Variants in PPP2R2B observed in about 807,000 individuals in gnomAD.
PPP2R2B encodes the protein serine/threonine-protein phosphatase 2A 55 kDa regulatory subunit B beta isoform.
Under a neutral mutation model 46.0 loss-of-function variants are expected in PPP2R2B, and 5 were observed. That is an observed-to-expected ratio of 0.11 (90% confidence interval 0.06 to 0.23). PPP2R2B has a LOEUF of 0.23. Ranked by LOEUF, PPP2R2B falls within the 10% of genes least tolerant of loss-of-function variation. PPP2R2B has a pLI of 1.00. For synonymous variants in PPP2R2B, 215 were observed against 206.7 expected, an observed-to-expected ratio of 1.04 and a Z score of -0.34; for missense variants, 367 against 575.0, an observed-to-expected ratio of 0.64 and a Z score of 3.70.
chr5:146,826,740 C>T (rs1466207268), intron 2 of PPP2R2B, among the ~76,000 whole-genome samples: 1 of 152,050 alleles, frequency 6.6e-6, no homozygotes, highest in Non-Finnish European at 1.5e-5. Context: ...TAAATCCTCC[C>T]CATTCTTAAA....
chr5:147,006,437 T>G (rs1013232374), intron 1 of PPP2R2B, among the ~76,000 whole-genome samples: 1 of 152,174 alleles, frequency 6.6e-6, no homozygotes. Context: ...GTAACATGTA[T>G]TATCCTAACT....
At chr5:147,059,714 G>A (rs1757201723), upstream of PPP2R2B, among the ~76,000 whole-genome samples, 1 of 152,204 alleles carries the variant, frequency 6.6e-6, no homozygotes, top group African/African-American at 2.4e-5. Flanking sequence ...TGGCAAACAA[G>A]CAATTAATTG....
chr5:146,930,518 A>G (rs955022591), intron 1 of PPP2R2B, among the ~76,000 whole-genome samples: 3 of 152,170 alleles, frequency 2.0e-5, no homozygotes, highest in African/African-American at 7.2e-5. Context: ...GGATGGGAAG[A>G]GAGAGGCAAT....
At position 146,588,905 on chromosome 5, in the gene PPP2R2B, T is replaced by G. The variant is rs1199138032; in HGVS notation, c.*1042A>C. On this transcript the variant is annotated 3_prime_UTR_variant, in exon 10 of 10. Coordinates refer to ENST00000394411, the MANE Select transcript of PPP2R2B (RefSeq NM_181675.4). ...TCTAGGTACAATGGAGGTTGATGGA[T>G]TGTTACTTTTGGTTACCAAAACCAG... 6.6e-6 allele frequency: 1 copy of G among 152,148 alleles called. No homozygotes were observed. The highest frequency in any genetic ancestry group is 2.4e-5 in the African/African-American group (1 of 41,408). 9.4% of individuals were successfully genotyped at this position (152,148 alleles called of 1,614,324 possible). A position where few individuals can be genotyped will look rare whatever the true frequency, so the allele number is the denominator to read the frequency against.
intron 2 of PPP2R2B, among the ~76,000 whole-genome samples, chr5:146,743,987 A>G (rs949769967): frequency 1.3e-5 from 2 of 152,200 alleles, no homozygotes; most frequent in African/African-American, 2.4e-5. Context: ...GCAGAAATCA[A>G]TTCAACTGCA....
chr5:147,021,895 C>T (rs1030133819), intron 1 of PPP2R2B, among the ~76,000 whole-genome samples: 2 of 151,802 alleles, frequency 1.3e-5, no homozygotes, highest in African/African-American at 4.8e-5. Flanking sequence ...TATCTTTAGT[C>T]AAGGACTTAA....
intron 1 of PPP2R2B, among the ~76,000 whole-genome samples, chr5:146,929,698 G>C (rs960010122): frequency 2.6e-5 from 4 of 152,008 alleles, no homozygotes; most frequent in Non-Finnish European, 4.4e-5. Flanking sequence ...TCAAAAAAAA[G>C]ATCTCTATAT....
Position 146,615,530 on chromosome 5 carries a change from A to G in PPP2R2B, c.791-15070T>C, listed in dbSNP as rs866944239. Among the ~76,000 whole-genome samples, 481 of 143,076 alleles carry G rather than the reference A, an allele frequency of 3.4e-3. 2 individuals are homozygous for G. Among genetic ancestry groups the G allele is most frequent in the African/African-American group, 0.011 (412 of 37,532 alleles). 93.9% of individuals were successfully genotyped at this position (143,076 alleles called of 152,430 possible). ...AAAAAAAAATTAAAAAAAAAAAAAA[A>G]GAAAAAAAAAACTATTAGAACTGAA... On this transcript the variant is annotated intron_variant, in intron 7 of 9. Coordinates refer to ENST00000394411, the MANE Select transcript of PPP2R2B (RefSeq NM_181675.4).
chr5:146,640,388 T>A (rs1262448444), intron 6 of PPP2R2B, among the ~76,000 whole-genome samples: 1 of 152,220 alleles, frequency 6.6e-6, no homozygotes, highest in African/African-American at 2.4e-5. Context: ...ATGATTGCAG[T>A]TAGCATCACA....
At chr5:146,714,017 G>C (rs114701880) in intron 2 of PPP2R2B, among the ~76,000 whole-genome samples, 1 of 152,008 alleles carries the variant, frequency 6.6e-6, no homozygotes, top group East Asian at 1.9e-4. Flanking sequence ...GGGAGTGAGT[G>C]CATTAAAATA....
intron 2 of PPP2R2B, among the ~76,000 whole-genome samples, chr5:146,737,812 C>T (rs938173214): frequency 6.6e-6 from 1 of 151,980 alleles, no homozygotes; most frequent in Non-Finnish European, 1.5e-5. Flanking sequence ...TGGTGGCTCA[C>T]ACCTGTAGTC....
rs965746202 is a variant in PPP2R2B at position 147,013,088 on chromosome 5, C to A, written c.79+42577G>T. Among the ~76,000 whole-genome samples the A allele has an allele frequency of 2.0e-5, 3 of 150,066 alleles. No homozygotes were observed. The Admixed American group carries it at 2.0e-4, about 10-fold the overall frequency. On this transcript the variant is annotated intron_variant, in intron 1 of 8. Coordinates refer to the PPP2R2B transcript ENST00000336640. The stretch of plus-strand genomic sequence containing the variant: ...AATCACAAGCATTCTTATACACCAA[C>A]AACAGACAAACAGAGAGCCAAATCA...
intron 2 of PPP2R2B, among the ~76,000 whole-genome samples, chr5:146,813,764 G>A (rs1757768747): frequency 6.6e-6 from 1 of 152,148 alleles, no homozygotes; most frequent in South Asian, 2.1e-4. Context: ...ATCAAAAGAT[G>A]AGGAGACTTG....
intron 2 of PPP2R2B, among the ~76,000 whole-genome samples, chr5:147,067,552 G>C (rs1413097187): frequency 6.6e-6 from 1 of 152,182 alleles, no homozygotes; most frequent in East Asian, 1.9e-4. Context: ...ATCAGAGAGA[G>C]ACTCTAATCC....
chr5:147,009,162 C>T (rs1200353890), intron 1 of PPP2R2B, among the ~76,000 whole-genome samples: 1 of 152,106 alleles, frequency 6.6e-6, no homozygotes, highest in Non-Finnish European at 1.5e-5. Flanking sequence ...TTATAAGCAA[C>T]TGGTGAGCTT....
chr5:146,682,560 A>T (rs1215102110), intron 5 of PPP2R2B, among the ~76,000 whole-genome samples: 5 of 152,282 alleles, frequency 3.3e-5, no homozygotes, highest in Admixed American at 6.5e-5. Context: ...AGCTCTCTAG[A>T]TCAAATGTCC....
At chr5:146,710,574 A>G (rs969422786) in intron 2 of PPP2R2B, among the ~76,000 whole-genome samples, 3 of 152,264 alleles carry the variant, frequency 2.0e-5, no homozygotes, top group African/African-American at 7.2e-5. Flanking sequence ...GGAAATTGAT[A>G]GCAGTCCAGA....
chr5:146,726,426 T>A (rs1751872297), intron 2 of PPP2R2B, among the ~76,000 whole-genome samples: 1 of 152,118 alleles, frequency 6.6e-6, no homozygotes. Flanking sequence ...AAGGGGAGTA[T>A]GGCCAAGTAT....
intron 5 of PPP2R2B, among the ~76,000 whole-genome samples, chr5:146,677,539 C>G (rs572309995): frequency 1.4e-5 from 2 of 141,000 alleles, no homozygotes; most frequent in South Asian, 2.5e-4. Flanking sequence ...CTCCCTCCCT[C>G]CCTCCCTCCC....
Sources: allele counts gnomAD v4.1 joint callset (sites outside exome capture counted in the v4.1 genomes callset), GRCh38; gene constraint gnomAD v4.1.1; transcripts MANE v1.5; gene names NCBI Gene and HGNC (gene_info 2026-07-23, HGNC 2026-07-21).